Variants in TBCCD1 observed in about 807,000 individuals in gnomAD.
The protein encoded by TBCCD1 is TBCC domain containing 1.
TBCCD1 carries 26 observed loss-of-function variants against 53.4 expected under a neutral mutation model. That is an observed-to-expected ratio of 0.49 (90% CI 0.36 to 0.68). TBCCD1 has a LOEUF of 0.68. Ranked by LOEUF, TBCCD1 falls within the 30% of genes least tolerant of loss-of-function variation. The pLI, the probability that TBCCD1 is intolerant of heterozygous loss-of-function variation, is 0.00. For missense variants in TBCCD1, 558 were observed against 669.5 expected (o/e 0.83, Z 1.84); for synonymous variants, 245 against 241.7 (o/e 1.01, Z -0.13).
chr3:186,552,357 C>A (rs1301240970), intron 6 of TBCCD1, among the ~76,000 whole-genome samples: 1 of 152,062 alleles, frequency 6.6e-6, no homozygotes, highest in African/African-American at 2.4e-5. Context: ...CTATTGTATT[C>A]TTTTGTTGAA....
chr3:186,554,921 A>G lies in TBCCD1; in HGVS notation c.1023T>C (p.Phe341=). 6.2e-7 allele frequency: 1 copy of G among 1,613,838 alleles called. No individual in the cohort carries two copies. The part of the protein sequence containing the change: ...HVKIHRCNES[F]IYLLSPLRSV... ...ACCGTAAGGGAGAGAGCAGATATAT[A>G]AAAGATTCGTTGCAACGATGAATCT... The change falls in exon 5 of 8, where the codon TTT becomes TTC. Residue 341 remains phenylalanine (F), a synonymous_variant. Coordinates refer to ENST00000338733, the MANE Select transcript of TBCCD1 (RefSeq NM_018138.5).
chr3:186,551,295 T>C lies in TBCCD1; in HGVS notation c.1545-16A>G, dbSNP rs1253989729. The C allele has an allele frequency of 6.2e-7, 1 of 1,607,978 alleles. No individual in the cohort carries two copies. The highest frequency in any genetic ancestry group is 8.5e-7 in the Non-Finnish European group (1 of 1,177,566). Reference sequence around the variant, plus strand: ...CCTTTGATCCCTAAAATTGCGATTATGAGTAAAAAGAATATAAGAACATGA... The same window carrying C: ...CCTTTGATCCCTAAAATTGCGATTACGAGTAAAAAGAATATAAGAACATGA... On this transcript the variant is annotated splice_polypyrimidine_tract_variant and intron_variant, in intron 6 of 7. Coordinates refer to ENST00000338733, the MANE Select transcript of TBCCD1 (RefSeq NM_018138.5).
At chr3:186,564,919 T>C (rs1714783751) in intron 1 of TBCCD1, among the ~76,000 whole-genome samples, 3 of 152,176 alleles carry the variant, frequency 2.0e-5, no homozygotes, top group Admixed American at 2.0e-4. Context: ...TTATTCTCTA[T>C]AACAGTGAAC....
rs138972243 is a variant in TBCCD1 at position 186,564,275 on chromosome 3, C to T, written c.55G>A (p.Ala19Thr). 1.2e-6 allele frequency: 2 copies of T among 1,614,072 alleles called. No homozygotes were observed. Among genetic ancestry groups the T allele is most frequent in the South Asian group, 1.1e-5 (1 of 91,080 alleles). Residue 19 changes from alanine (A) to threonine (T), a missense_variant, in exon 2 of 8, where the codon GCC becomes ACC. Coordinates refer to ENST00000338733, the MANE Select transcript of TBCCD1 (RefSeq NM_018138.5). ...TTGGATGGAGGGGGGACCTGCAAGG[C>T]ACCCACTATAAAGGGTTCTGCTTTC... Reference protein sequence around the residue: ...WVKAEPFIVGALQVPPPSKFS... With the variant: ...WVKAEPFIVGTLQVPPPSKFS...
At chr3:186,561,398 T>A (rs1714684678) in intron 2 of TBCCD1, among the ~76,000 whole-genome samples, 1 of 152,204 alleles carries the variant, frequency 6.6e-6, no homozygotes, top group Admixed American at 6.5e-5. Context: ...AGATATCACC[T>A]CACACTTGTT....
chr3:186,559,922 T>C (rs989143596), intron 2 of TBCCD1, among the ~76,000 whole-genome samples: 22 of 152,166 alleles, frequency 1.4e-4, no homozygotes, highest in African/African-American at 4.6e-4. Flanking sequence ...CCATATGCAC[T>C]TCTCTGTCCC....
intron 4 of TBCCD1, among the ~76,000 whole-genome samples, chr3:186,556,032 A>G (rs1714530403): frequency 1.3e-5 from 2 of 152,178 alleles, no homozygotes; most frequent in Admixed American, 1.3e-4. Context: ...ACACCCTTGT[A>G]AACAACACCG....
At position 186,551,257 on chromosome 3, in the gene TBCCD1, C is replaced by T. The variant is rs534889951; in HGVS notation, c.1567G>A (p.Val523Ile). 3.1e-6 allele frequency: 5 copies of T among 1,613,186 alleles called. No homozygotes were observed. Among genetic ancestry groups the T allele is most frequent in the African/African-American group, 2.7e-5 (2 of 74,940 alleles). Residue 523 changes from valine (V) to isoleucine (I), a missense_variant, in exon 7 of 8, where the codon GTA becomes ATA. By Grantham distance (29) the Val-to-Ile change is conservative (BLOSUM62 3). Coordinates refer to ENST00000338733, the MANE Select transcript of TBCCD1 (RefSeq NM_018138.5). ...TCATAAAACTTGTTCTCTACCAGTA[C>T]CTGGAACTGCTTCCTTTGATCCCTA... ...LTKDQRKQFQ[V>I]LVENKFYEWL...
chr3:186,564,162 T>C lies in TBCCD1; in HGVS notation c.168A>G (p.Thr56=), dbSNP rs774222075. 20 of 1,614,138 alleles carry C rather than the reference T, an allele frequency of 1.2e-5. 1 individual carries two copies. In the South Asian group the frequency reaches 2.0e-4, roughly 16 times the overall value. Residue 56 remains threonine, a synonymous_variant, in exon 2 of 8, where the codon ACA becomes ACG. Coordinates refer to ENST00000338733, the MANE Select transcript of TBCCD1 (RefSeq NM_018138.5). ...EGAYPRLYWS[T]WRHIACGKLQ... Reference sequence around the variant, plus strand: ...GCTTCCCACAAGCGATGTGCCTCCATGTAGACCAGTAGAGGCGCGGGTAAG... The same window carrying C: ...GCTTCCCACAAGCGATGTGCCTCCACGTAGACCAGTAGAGGCGCGGGTAAG...
intron 2 of TBCCD1, among the ~76,000 whole-genome samples, chr3:186,561,450 G>C (rs1307996952): frequency 6.6e-6 from 1 of 152,188 alleles, no homozygotes; most frequent in Admixed American, 6.5e-5. Flanking sequence ...TGAAGAAAAG[G>C]GAACCCTGGT....
intron 2 of TBCCD1, among the ~76,000 whole-genome samples, chr3:186,559,332 T>G (rs1052148615): frequency 6.6e-6 from 1 of 152,202 alleles, no homozygotes; most frequent in Non-Finnish European, 1.5e-5. Context: ...ATACCTGAAA[T>G]TGTATGTAAT....
At chr3:186,551,312 A>T in intron 6 of TBCCD1, 33 bp from the exon 7 acceptor site, 2 of 1,590,656 alleles carry the variant, frequency 1.3e-6, no homozygotes, top group East Asian at 4.5e-5. Flanking sequence ...AAAGAATATA[A>T]GAACATGAAT....
chr3:186,569,115 G>C (rs1288742679), upstream of TBCCD1, among the ~76,000 whole-genome samples: 3 of 151,872 alleles, frequency 2.0e-5, no homozygotes, highest in African/African-American at 4.8e-5. Context: ...AAAGGCCCTC[G>C]GCAGGAATGA....
intron 2 of TBCCD1, among the ~76,000 whole-genome samples, chr3:186,559,910 A>G (rs1714646633): frequency 1.3e-5 from 2 of 152,186 alleles, no homozygotes. Context: ...GCCCTTCTAC[A>G]GCCATATGCA....
intron 2 of TBCCD1, among the ~76,000 whole-genome samples, chr3:186,562,375 A>G (rs1420344951): frequency 6.6e-6 from 1 of 152,184 alleles, no homozygotes; most frequent in African/African-American, 2.4e-5. Flanking sequence ...AAATCCTGCC[A>G]TTTTCAACAA....
upstream of TBCCD1, among the ~76,000 whole-genome samples, chr3:186,569,784 A>G (rs1388994814): frequency 1.3e-5 from 2 of 152,156 alleles, no homozygotes; most frequent in Non-Finnish European, 2.9e-5. Context: ...ATGGAGATGT[A>G]GTGAACAGAT....
At chr3:186,547,648 C>T (rs1452456200) in intron 7 of TBCCD1, among the ~76,000 whole-genome samples, 2 of 150,954 alleles carry the variant, frequency 1.3e-5, no homozygotes, top group African/African-American at 4.9e-5. Flanking sequence ...GCTCTGTCGC[C>T]CAGGCTGGAG....
At chr3:186,549,388 C>T (rs1714305096) in intron 7 of TBCCD1, among the ~76,000 whole-genome samples, 1 of 147,788 alleles carries the variant, frequency 6.8e-6, no homozygotes, top group African/African-American at 2.5e-5. Context: ...ACTGCTAAAT[C>T]AGGGCAGGTG....
At chr3:186,560,265 C>T (rs1714657820) in intron 2 of TBCCD1, among the ~76,000 whole-genome samples, 2 of 152,220 alleles carry the variant, frequency 1.3e-5, no homozygotes, top group South Asian at 4.1e-4. Flanking sequence ...CCAGCATCCA[C>T]TACTATACCG....
Sources: allele counts gnomAD v4.1 joint callset (sites outside exome capture counted in the v4.1 genomes callset), GRCh38; gene constraint gnomAD v4.1.1; transcripts MANE v1.5; gene names NCBI Gene and HGNC (gene_info 2026-07-23, HGNC 2026-07-21).